Variants in RTTN observed in about 807,000 individuals in gnomAD.
RTTN encodes rotatin.
Under a neutral mutation model 269.2 loss-of-function variants are expected in RTTN, and 182 were observed. The ratio of observed to expected loss-of-function variants is 0.68; its 90% CI spans 0.60 to 0.76. RTTN has a LOEUF of 0.76. Ranked by LOEUF, RTTN falls within the 30% of genes least tolerant of loss-of-function variation. The pLI, the probability that RTTN is intolerant of heterozygous loss-of-function variation, is 0.00. For synonymous variants in RTTN, 1,006 were observed against 963.5 expected (o/e 1.04, Z -0.82); for missense variants, 2,545 against 2,608.6 (o/e 0.98, Z 0.53).
chr18:70,088,816 T>C (rs1276735963), intron 30 of RTTN, among the ~76,000 whole-genome samples: 3 of 152,146 alleles, frequency 2.0e-5, no homozygotes, highest in Non-Finnish European at 4.4e-5. Flanking sequence ...GACTAAAAAA[T>C]GTATTTCAAA....
In RTTN at chr18:70,150,591, C is replaced by A. The variant is rs2060510776; in HGVS notation, c.2055+17G>T. On this transcript the variant is annotated intron_variant, in intron 15 of 48. Transcript: ENST00000640769. ...TCTAAGTTACTGTAATATTTTCACT[C>A]ATGTTTAATGTCATACCTCACTTTC... 3.1e-6 allele frequency: 5 copies of A among 1,608,984 alleles called. No homozygotes were observed. Among genetic ancestry groups the A allele is most frequent in the Non-Finnish European group, 4.3e-6 (5 of 1,176,134 alleles).
chr18:70,083,942 A>T (rs894755211), intron 32 of RTTN, among the ~76,000 whole-genome samples: 6 of 151,816 alleles, frequency 4.0e-5, no homozygotes, highest in African/African-American at 1.5e-4. Context: ...AAAAGTCACA[A>T]TTGATAAAAG....
intron 10 of RTTN, among the ~76,000 whole-genome samples, chr18:70,180,359 G>A (rs1377757852): frequency 6.6e-6 from 1 of 151,726 alleles, no homozygotes; most frequent in Admixed American, 6.6e-5. Flanking sequence ...GCCAGGAGTG[G>A]TGCCTTGAGC....
At chr18:70,179,767 A>G (rs576893240) in intron 10 of RTTN, among the ~76,000 whole-genome samples, 2 of 152,358 alleles carry the variant, frequency 1.3e-5, no homozygotes, top group South Asian at 4.1e-4. Flanking sequence ...TGGATTCTAC[A>G]AGGCACCTGG....
intron 39 of RTTN, among the ~76,000 whole-genome samples, chr18:70,050,699 A>G (rs2057636039): frequency 6.6e-6 from 1 of 152,236 alleles, no homozygotes; most frequent in African/African-American, 2.4e-5. Flanking sequence ...CACAGTGGAT[A>G]AAGAAAATGC....
rs1423956616 is a variant in RTTN at position 70,150,590 on chromosome 18, T to C, written c.2055+18A>G. ...ATCTAAGTTACTGTAATATTTTCAC[T>C]CATGTTTAATGTCATACCTCACTTT... On this transcript the variant is annotated intron_variant, in intron 15 of 48. Coordinates refer to ENST00000640769, the MANE Select transcript of RTTN (RefSeq NM_173630.4). The C allele has an allele frequency of 6.2e-7, 1 of 1,608,976 alleles. No individual in the cohort carries two copies. Among genetic ancestry groups the C allele is most frequent in the South Asian group, 1.1e-5 (1 of 90,834 alleles).
At position 70,169,048 on chromosome 18, in the gene RTTN, T is replaced by G; in HGVS notation, c.1496A>C (p.Glu499Ala). ...PVEKASEFLS[E>A]PMSTALFLLS... ...GAGAAATAATGCTGTTGACATAGGCTCTGATAAAAACTCGCTTGCCTTGGT... is the reference window on the plus strand; with the variant it reads ...GAGAAATAATGCTGTTGACATAGGCGCTGATAAAAACTCGCTTGCCTTGGT... Residue 499 changes from glutamate to alanine, a missense_variant, in exon 12 of 49, where the codon GAG (glutamate) becomes GCG (alanine). Glu to Ala is a moderately radical substitution (Grantham distance 107, BLOSUM62 -1). Coordinates refer to ENST00000640769, the MANE Select transcript of RTTN (RefSeq NM_173630.4). The G allele has an allele frequency of 6.3e-7, 1 of 1,598,596 alleles. No individual in the cohort carries two copies. The highest frequency in any genetic ancestry group is 2.2e-5 in the East Asian group (1 of 44,714).
intron 42 of RTTN, 85 bp from the exon 43 acceptor site, chr18:70,028,886 C>T: frequency 1.1e-6 from 1 of 897,508 alleles, no homozygotes; most frequent in Non-Finnish European, 1.8e-6. Flanking sequence ...CCCTTTGGGT[C>T]ACGGGACAAT....
At chr18:70,080,134 T>C (rs2058526252) in intron 32 of RTTN, among the ~76,000 whole-genome samples, 1 of 151,764 alleles carries the variant, frequency 6.6e-6, no homozygotes, top group African/African-American at 2.4e-5. Context: ...ATAAAAATAA[T>C]ACATATTAAT....
At chr18:70,135,616 C>T (rs1013835690) in intron 21 of RTTN, among the ~76,000 whole-genome samples, 1 of 152,180 alleles carries the variant, frequency 6.6e-6, no homozygotes, top group African/African-American at 2.4e-5. Context: ...GAGAAACAAA[C>T]TGATACAGCC....
rs777958979 is a variant in RTTN at position 70,197,696 on chromosome 18, A to G, written c.621T>C (p.Cys207=). ...GCATGATAACATCCTTCAATAGTTC[A>G]CAGGTGTTCCAGATTAAAGTGTGGT... ...SSNHTLIWNT[C]ELLKDVIMQD... is the part of the protein sequence containing the mutation. The change falls in exon 6 of 49, where the codon TGT becomes TGC. Residue 207 remains cysteine, a synonymous_variant. Transcript: ENST00000640769. 6.2e-7 allele frequency: 1 copy of G among 1,613,754 alleles called. No individual in the cohort carries two copies. Among genetic ancestry groups the G allele is most frequent in the South Asian group, 1.1e-5 (1 of 91,058 alleles).
intron 39 of RTTN, among the ~76,000 whole-genome samples, chr18:70,050,126 G>C (rs1158831687): frequency 6.6e-6 from 1 of 152,176 alleles, no homozygotes; most frequent in African/African-American, 2.4e-5. Flanking sequence ...TATCATCAGA[G>C]TGAACAGGCA....
chr18:70,152,324 A>C (rs1164369097), intron 14 of RTTN, among the ~76,000 whole-genome samples: 4 of 152,186 alleles, frequency 2.6e-5, no homozygotes, highest in African/African-American at 9.6e-5. Flanking sequence ...TTCAAAGCCC[A>C]GTTTCACCAC....
chr18:70,004,290 T>C (rs2056112442), intron 48 of RTTN, 54 bp from the exon 49 acceptor site: 2 of 1,236,508 alleles, frequency 1.6e-6, no homozygotes, highest in Admixed American at 1.7e-5. Context: ...CTTGGTACTA[T>C]ACTTAGGAGG....
rs542300570 is a variant in RTTN at position 70,117,254 on chromosome 18, T to C, written c.3529-2655A>G. On this transcript the variant is annotated intron_variant, in intron 26 of 48. Coordinates refer to ENST00000640769, the MANE Select transcript of RTTN (RefSeq NM_173630.4). ...ATGTATGTCCATACATTCAAAGCAA[T>C]TTACTTGGAAATGTTATTTTACTGA... is the stretch of plus-strand genomic sequence containing the variant. 3.9e-5 allele frequency among the ~76,000 whole-genome samples: 6 copies of C among 152,086 alleles called. No homozygotes were observed. The South Asian group carries it at 1.0e-3, about 26-fold the overall frequency.
chr18:70,198,056 A>G (rs1000784356), intron 5 of RTTN, among the ~76,000 whole-genome samples: 3 of 152,206 alleles, frequency 2.0e-5, no homozygotes, highest in African/African-American at 4.8e-5. Context: ...AACGAGTTCA[A>G]TGAGGTCAAA....
intron 46 of RTTN, among the ~76,000 whole-genome samples, chr18:70,009,232 T>C (rs2145448193): frequency 6.6e-6 from 1 of 152,178 alleles, no homozygotes; most frequent in South Asian, 2.1e-4. Context: ...GCCTACCAGG[T>C]TTAAGCAATT....
chr18:70,159,454 C>G (rs910794218), intron 14 of RTTN, among the ~76,000 whole-genome samples: 1 of 152,068 alleles, frequency 6.6e-6, no homozygotes, highest in Non-Finnish European at 1.5e-5. Context: ...TAAGAGGAAA[C>G]TATACAGCAC....
intron 38 of RTTN, among the ~76,000 whole-genome samples, chr18:70,052,501 C>A (rs2057698890): frequency 6.6e-6 from 1 of 152,002 alleles, no homozygotes; most frequent in Non-Finnish European, 1.5e-5. Context: ...ATAGAGCTTA[C>A]TGTTTTTATT....
Sources: gnomAD v4.1 joint callset for allele counts (sites outside exome capture counted in the v4.1 genomes callset) on GRCh38, gnomAD v4.1.1 for gene constraint, MANE v1.5 for transcripts, NCBI Gene and HGNC (gene_info 2026-07-23, HGNC 2026-07-21) for gene names.